Variants in ANK2 observed in about 807,000 individuals in gnomAD.
ANK2 encodes ankyrin-2.
ANK2 carries 83 observed loss-of-function variants against 360.5 expected under a neutral mutation model. That is an observed-to-expected ratio of 0.23 (90% CI 0.19 to 0.28). The LOEUF (loss-of-function observed/expected upper bound fraction) is 0.28, where lower values mean the gene tolerates loss of function less well. Among genes scored for constraint, ANK2 ranks in the 10% least tolerant of loss-of-function variants. ANK2 has a pLI of 1.00. For synonymous variants in ANK2, 1,740 were observed against 1,759.5 expected (o/e 0.99, Z 0.28); for missense variants, 4,201 against 4,795.7 (o/e 0.88, Z 3.66).
At chr4:113,374,935 G>A (rs2096872307) in intron 45 of ANK2, 1 of 1,204,708 alleles carries the variant, frequency 8.3e-7, no homozygotes, top group African/African-American at 1.6e-5. Context: ...AGCCAAAGAT[G>A]ACTTTGAAGA....
intron 1 of ANK2, among the ~76,000 whole-genome samples, chr4:112,879,813 G>A (rs1248690006): frequency 6.6e-6 from 1 of 152,052 alleles, no homozygotes; most frequent in East Asian, 1.9e-4. Context: ...AGAATACTTT[G>A]CACTTATCTA....
intron 2 of ANK2, among the ~76,000 whole-genome samples, chr4:113,031,021 G>T (rs2154304234): frequency 6.6e-6 from 1 of 152,072 alleles, no homozygotes; most frequent in Non-Finnish European, 1.5e-5. Context: ...ATAGTAAAAT[G>T]ACCATCCTGG....
At chr4:112,933,603 C>T (rs1176066026) in intron 2 of ANK2, among the ~76,000 whole-genome samples, 3 of 151,966 alleles carry the variant, frequency 2.0e-5, no homozygotes, top group South Asian at 2.1e-4. Context: ...TGGGTTCAAG[C>T]GATTCTCTGG....
intron 1 of ANK2, among the ~76,000 whole-genome samples, chr4:112,864,772 C>T (rs879774263): frequency 3.3e-5 from 5 of 151,268 alleles, no homozygotes; most frequent in Non-Finnish European, 7.4e-5. Context: ...GTGGCTCAAG[C>T]CTGTAATACT....
intron 10 of ANK2, among the ~76,000 whole-genome samples, chr4:113,251,351 T>C (rs1333669239): frequency 6.6e-6 from 1 of 152,060 alleles, no homozygotes; most frequent in African/African-American, 2.4e-5. Flanking sequence ...GCATAAAGTG[T>C]CTCTGAGTGT....
chr4:113,277,773 A>G, intron 15 of ANK2, 64 bp from the exon 16 acceptor site: 1 of 1,359,718 alleles, frequency 7.4e-7, no homozygotes, highest in African/African-American at 1.4e-5. Context: ...GTTAACAAAT[A>G]AAAAGATTTT....
the ANK2 span, among the ~76,000 whole-genome samples, chr4:112,731,503 C>A: frequency 6.6e-6 from 1 of 151,940 alleles, no homozygotes; most frequent in Admixed American, 6.6e-5. Flanking sequence ...GTGGGTAGAT[C>A]TAGATCACTT....
chr4:113,270,308 A>G (rs1586721657), intron 14 of ANK2, among the ~76,000 whole-genome samples: 1 of 152,274 alleles, frequency 6.6e-6, no homozygotes, highest in South Asian at 2.1e-4. Flanking sequence ...TGTCTCTGCC[A>G]AATTTTTCTG....
At position 113,059,492 on chromosome 4, in the gene ANK2, CTG is replaced by C. The variant is rs1242874032; in HGVS notation, c.84+9682_84+9683del. On this transcript the variant is annotated intron_variant, in intron 1 of 45. Coordinates refer to ENST00000357077, the MANE Select transcript of ANK2 (RefSeq NM_001148.6). ...GTGTAGAAAAGGTGTTCAAAAGAGA[CTG>C]TATAAATAGCCTATAAACATCAGTT... 7.2e-5 allele frequency among the ~76,000 whole-genome samples: 11 copies of C among 152,164 alleles called. No homozygotes were observed. In the East Asian group the frequency reaches 2.1e-3, roughly 29 times the overall value.
chr4:112,817,990 A>G (rs921303014), upstream of ANK2: 1 of 152,394 alleles, frequency 6.6e-6, no homozygotes, highest in Non-Finnish European at 1.5e-5. Context: ...AAATGATGCA[A>G]CCCAAGAGTG....
chr4:112,833,995 A>AT (rs1460515774), intron 1 of ANK2, among the ~76,000 whole-genome samples: 2 of 152,220 alleles, frequency 1.3e-5, no homozygotes, highest in African/African-American at 4.8e-5. Flanking sequence ...TAAAACACAA[A>AT]TTGTAACATA....
chr4:113,043,471 A>G (rs576436624), intron 2 of ANK2, among the ~76,000 whole-genome samples: 1 of 151,854 alleles, frequency 6.6e-6, no homozygotes, highest in Non-Finnish European at 1.5e-5. Context: ...GGGTCTCACT[A>G]TGTTGCTCAG....
At chr4:113,099,692 A>G (rs67664334) in intron 1 of ANK2, among the ~76,000 whole-genome samples, 46,675 of 151,868 alleles carry the variant, frequency 0.31, 7,754 homozygotes, top group Non-Finnish European at 0.39. Context: ...TGGAAGAAAA[A>G]TAACAGAGGA....
intron 31 of ANK2, among the ~76,000 whole-genome samples, chr4:113,337,845 A>G (rs2093748749): frequency 6.6e-6 from 1 of 152,106 alleles, no homozygotes; most frequent in Non-Finnish European, 1.5e-5. Context: ...AGCCCCGTAG[A>G]TATATGATTA....
At chr4:113,230,086 G>A (rs192309291) in intron 4 of ANK2, among the ~76,000 whole-genome samples, 48 of 151,994 alleles carry the variant, frequency 3.2e-4, no homozygotes, top group African/African-American at 1.0e-3. Context: ...ACAAGATTTC[G>A]CCTGCTTGCT....
At chr4:113,196,556 C>A in intron 3 of ANK2, 90 bp downstream of exon 3, 1 of 1,204,288 alleles carries the variant, frequency 8.3e-7, no homozygotes, top group Non-Finnish European at 1.2e-6. Context: ...TAGACAAGGT[C>A]TCTTTCTGTT....
At chr4:113,223,404 G>C (rs866787251) in intron 4 of ANK2, among the ~76,000 whole-genome samples, 37 of 152,252 alleles carry the variant, frequency 2.4e-4, no homozygotes, top group African/African-American at 8.4e-4. Context: ...TTTCTGTAAC[G>C]ATTCTTATTT....
upstream of ANK2, among the ~76,000 whole-genome samples, chr4:113,045,030 T>C (rs567727152): frequency 1.5e-4 from 23 of 152,290 alleles, no homozygotes; most frequent in Non-Finnish European, 2.5e-4. Context: ...TAACATAGTT[T>C]CTGTGAAAAA....
At chr4:112,906,091 G>A (rs1038347137) in intron 2 of ANK2, among the ~76,000 whole-genome samples, 1 of 152,146 alleles carries the variant, frequency 6.6e-6, no homozygotes, top group African/African-American at 2.4e-5. Flanking sequence ...GTCAGAAATT[G>A]GATAGATGAA....
Sources: allele counts gnomAD v4.1 joint callset (sites outside exome capture counted in the v4.1 genomes callset), GRCh38; gene constraint gnomAD v4.1.1; transcripts MANE v1.5; gene names NCBI Gene and HGNC (gene_info 2026-07-23, HGNC 2026-07-21).